Variants in DNAH9 observed in about 807,000 individuals in gnomAD.
DNAH9 encodes dynein axonemal heavy chain 9, also known as DNAH9 variant protein.
Under a neutral mutation model 471.6 loss-of-function variants are expected in DNAH9, and 345 were observed. The observed-to-expected ratio is 0.73, with a 90% CI of 0.67 to 0.80. DNAH9 has a LOEUF of 0.80. DNAH9 is among the 30% of genes least tolerant of loss of function. DNAH9 has a pLI of 0.00. For missense variants in DNAH9, 5,407 were observed against 5,609.2 expected (o/e 0.96, Z 1.15); for synonymous variants, 2,093 against 2,123.6 (o/e 0.99, Z 0.40).
At position 11,698,187 on chromosome 17, in the gene DNAH9, T is replaced by C. The variant is rs1327878111; in HGVS notation, c.4873-1544T>C. ...ATTATTATATTAATATATTATTATATTAATATAATAATATATTAATAATAT... is the reference window on the plus strand; with the variant it reads ...ATTATTATATTAATATATTATTATACTAATATAATAATATATTAATAATAT... On this transcript the variant is annotated intron_variant, in intron 22 of 68. Coordinates refer to ENST00000262442, the MANE Select transcript of DNAH9 (RefSeq NM_001372.4). 1.8e-4 allele frequency among the ~76,000 whole-genome samples: 3 copies of C among 16,410 alleles called. 1 individual carries two copies. Among genetic ancestry groups the C allele is most frequent in the African/African-American group, 3.6e-4 (3 of 8,252 alleles). The allele number at this position is 16,410 out of a possible 152,430, so 10.8% of individuals were successfully genotyped here.
At position 11,865,929 on chromosome 17, in the gene DNAH9, G is replaced by A. The variant is rs914889045; in HGVS notation, c.9934-3205G>A. Among the ~76,000 whole-genome samples the A allele has an allele frequency of 6.6e-5, 10 of 152,106 alleles. No homozygotes were observed. In the South Asian group the frequency reaches 8.3e-4, roughly 13 times the overall value. Reference sequence around the variant, plus strand: ...TCTAGTTATACATTCGTCTAAATTTGTTTCAAAGTTTTTAACTTCTTTGCC... The same window carrying A: ...TCTAGTTATACATTCGTCTAAATTTATTTCAAAGTTTTTAACTTCTTTGCC... On this transcript the variant is annotated intron_variant, in intron 50 of 68. Coordinates refer to ENST00000262442, the MANE Select transcript of DNAH9 (RefSeq NM_001372.4).
intron 55 of DNAH9, chr17:11,882,834 C>CT (rs767192066): frequency 2.2e-5 from 15 of 676,662 alleles, no homozygotes; most frequent in Non-Finnish European, 2.6e-5. Flanking sequence ...ATTGTAAAGC[C>CT]TCTGGGCATA....
chr17:11,726,336 A>G (rs2075151333), intron 27 of DNAH9, among the ~76,000 whole-genome samples: 1 of 152,148 alleles, frequency 6.6e-6, no homozygotes, highest in Admixed American at 6.5e-5. Flanking sequence ...TAGCCATGTA[A>G]TGCAGTGAAA....
intron 50 of DNAH9, 69 bp downstream of exon 50, chr17:11,854,497 T>A: frequency 1.4e-6 from 2 of 1,480,988 alleles, no homozygotes; most frequent in Non-Finnish European, 1.8e-6. Flanking sequence ...TCAGACACCA[T>A]CTAACACCTA....
rs1567733852 is a variant in DNAH9 at position 11,704,184 on chromosome 17, G to A, written c.5152-19G>A. ...ACAGCCATGATAACAGCTTTACTAG[G>A]CAACTCTTGCTGCCACAGGTGGCCC... On this transcript the variant is annotated intron_variant, in intron 24 of 68. Coordinates refer to ENST00000262442, the MANE Select transcript of DNAH9 (RefSeq NM_001372.4). The A allele has an allele frequency of 6.2e-7, 1 of 1,613,696 alleles. No individual in the cohort carries two copies. The highest frequency in any genetic ancestry group is 1.3e-5 in the African/African-American group (1 of 74,914).
intron 61 of DNAH9, among the ~76,000 whole-genome samples, chr17:11,920,620 C>CAA (rs778741343): frequency 1.6e-5 from 1 of 61,974 alleles, no homozygotes; most frequent in Non-Finnish European, 3.3e-5. Context: ...GACTCCATCT[C>CAA]AAAAAAAAAA....
intron 43 of DNAH9, among the ~76,000 whole-genome samples, chr17:11,799,688 G>A (rs957511755): frequency 1.3e-5 from 1 of 78,736 alleles, no homozygotes; most frequent in Admixed American, 1.2e-4. Context: ...CCAGGTTCAA[G>A]CCATTCTGCC....
At chr17:11,961,819 G>C in intron 67 of DNAH9, 48 bp from the exon 68 acceptor site, 1 of 1,540,584 alleles carries the variant, frequency 6.5e-7, no homozygotes, top group Non-Finnish European at 8.7e-7. Flanking sequence ...GTGTTTTCAG[G>C]GACTTCCCAC....
intron 24 of DNAH9, 23 bp downstream of exon 24, chr17:11,701,270 ATCCTCCATGGTTGGGGCTGTCT>A (rs760801668): frequency 1.9e-6 from 3 of 1,611,784 alleles, no homozygotes; most frequent in Non-Finnish European, 2.5e-6. Flanking sequence ...TGGGATCCCC[ATCCTCCATGGTTGGGGCTGTCT>A]TCCTCCGCAG....
chr17:11,948,584 G>A (rs1290677470), intron 67 of DNAH9, among the ~76,000 whole-genome samples: 3 of 152,124 alleles, frequency 2.0e-5, no homozygotes, highest in Admixed American at 6.5e-5. Flanking sequence ...GTTCAGGTCT[G>A]GAAGGGTGGG....
chr17:11,961,186 G>A (rs1408866791), intron 67 of DNAH9, among the ~76,000 whole-genome samples: 2 of 151,586 alleles, frequency 1.3e-5, no homozygotes, highest in East Asian at 2.0e-4. Context: ...GTGGTGGCAG[G>A]TGCCTGTAAT....
chr17:11,698,704 A>C (rs540185365), intron 22 of DNAH9, among the ~76,000 whole-genome samples: 1 of 152,034 alleles, frequency 6.6e-6, no homozygotes, highest in Non-Finnish European at 1.5e-5. Flanking sequence ...AAGAAGCTCT[A>C]CCAGGGGGCA....
intron 42 of DNAH9, among the ~76,000 whole-genome samples, chr17:11,797,077 GC>G (rs1969271932): frequency 6.6e-6 from 1 of 152,162 alleles, no homozygotes; most frequent in African/African-American, 2.4e-5. Context: ...GTGGCTAGTA[GC>G]GCATTCTTCA....
intron 24 of DNAH9, among the ~76,000 whole-genome samples, 183 bp from the exon 25 acceptor site, chr17:11,704,020 G>T (rs565671565): frequency 6.6e-6 from 1 of 152,134 alleles, no homozygotes; most frequent in African/African-American, 2.4e-5. Flanking sequence ...CACCTGTACC[G>T]CAACAACTTC....
chr17:11,627,150 G>C (rs935299647), intron 6 of DNAH9, among the ~76,000 whole-genome samples: 1 of 152,088 alleles, frequency 6.6e-6, no homozygotes, highest in Non-Finnish European at 1.5e-5. Context: ...TTGAGCCCCA[G>C]ATAAATCTGT....
At chr17:11,823,907 G>A (rs1217472304) in intron 48 of DNAH9, among the ~76,000 whole-genome samples, 1 of 149,530 alleles carries the variant, frequency 6.7e-6, no homozygotes, top group East Asian at 1.9e-4. Context: ...TCCAGCCTGG[G>A]TGATAGAGTG....
At position 11,892,800 on chromosome 17, in the gene DNAH9, C is replaced by T. The variant is rs543507228; in HGVS notation, c.11283+853C>T. On this transcript the variant is annotated intron_variant, in intron 58 of 68. Transcript: ENST00000262442. The surrounding 1 kb of genome is among the most constrained non-coding windows in gnomAD (Gnocchi z 4.3). ...AACTCCTGACCTCAGGTGATCCACC[C>T]GCCTCGGCCTACCAAAGTGCTGGGA... is the stretch of plus-strand genomic sequence containing the variant. Among the ~76,000 whole-genome samples the T allele has an allele frequency of 5.9e-5, 9 of 152,064 alleles. No individual in the cohort carries two copies. The highest frequency in any genetic ancestry group is 9.7e-5 in the African/African-American group (4 of 41,404).
At chr17:11,665,264 C>A (rs7209323) in intron 15 of DNAH9, among the ~76,000 whole-genome samples, 147,432 of 152,326 alleles carry the variant, frequency 0.97, 71,429 homozygotes, top group Non-Finnish European at 0.99. Flanking sequence ...GGAGTGACCA[C>A]GTTAAGAAGC....
intron 43 of DNAH9, among the ~76,000 whole-genome samples, chr17:11,804,394 G>A (rs1969582396): frequency 6.6e-6 from 1 of 152,062 alleles, no homozygotes; most frequent in Non-Finnish European, 1.5e-5. Flanking sequence ...AGAAATTGGA[G>A]GATAATTGAA....
Sources: allele counts gnomAD v4.1 joint callset (sites outside exome capture counted in the v4.1 genomes callset), GRCh38; gene constraint gnomAD v4.1.1; non-coding constraint Gnocchi (gnomAD v3.1); transcripts MANE v1.5; gene names NCBI Gene and HGNC (gene_info 2026-07-23, HGNC 2026-07-21).